PREX2: variants seen among roughly 807,000 people sequenced by gnomAD.
PREX2 encodes the protein phosphatidylinositol-3,4,5-trisphosphate dependent Rac exchange factor 2.
PREX2 carries 107 observed loss-of-function variants against 203.2 expected under a neutral mutation model. The observed-to-expected ratio is 0.53, with a 90% CI of 0.45 to 0.62. The LOEUF (loss-of-function observed/expected upper bound fraction) is 0.62. Among genes scored for constraint, PREX2 ranks in the 20% least tolerant of loss-of-function variants. PREX2 has a pLI of 0.00. For missense variants in PREX2, 1,777 were observed against 1,955.9 expected (o/e 0.91, Z 1.72); for synonymous variants, 672 against 663.6 (o/e 1.01, Z -0.19).
In PREX2 at chr8:68,030,487, G is replaced by A. The variant is rs1378655551; in HGVS notation, c.544-10G>A. The A allele has an allele frequency of 1.2e-6, 2 of 1,611,190 alleles. No homozygotes were observed. Among genetic ancestry groups the A allele is most frequent in the Admixed American group, 1.7e-5 (1 of 59,710 alleles). On this transcript the variant is annotated splice_polypyrimidine_tract_variant and intron_variant, in intron 5 of 39. Transcript: ENST00000288368. ...ATCAAAGGGCGATTTGTTTTTTTGT[G>A]TATAAACAGGAGTTGCTGAAGCGGA...
intron 34 of PREX2, among the ~76,000 whole-genome samples, chr8:68,151,138 G>A (rs1811425406): frequency 6.6e-6 from 1 of 152,090 alleles, no homozygotes. Flanking sequence ...AATAAGGTCA[G>A]GGCTGAATGT....
At chr8:68,051,065 T>C (rs1808514697) in intron 8 of PREX2, among the ~76,000 whole-genome samples, 1 of 151,950 alleles carries the variant, frequency 6.6e-6, no homozygotes, top group African/African-American at 2.4e-5. Flanking sequence ...AAGTGGCCTG[T>C]TTGAGGGAGG....
intron 19 of PREX2, among the ~76,000 whole-genome samples, chr8:68,088,656 A>G (rs1461925532): frequency 6.8e-5 from 8 of 117,844 alleles, no homozygotes; most frequent in Admixed American, 9.3e-5. Flanking sequence ...TGATAAAAAC[A>G]TCTGATTTCA....
At chr8:68,230,573 A>G (rs1317376008) in intron 39 of PREX2, among the ~76,000 whole-genome samples, 1 of 152,170 alleles carries the variant, frequency 6.6e-6, no homozygotes, top group African/African-American at 2.4e-5. Context: ...TGCTGTTATC[A>G]TTTAACCACT....
intron 1 of PREX2, among the ~76,000 whole-genome samples, chr8:67,982,987 AT>A (rs1806314280): frequency 6.6e-6 from 1 of 152,162 alleles, no homozygotes; most frequent in Non-Finnish European, 1.5e-5. Context: ...AGGTCCTCAA[AT>A]CTTTATTTGA....
At position 68,146,201 on chromosome 8, in the gene PREX2, C is replaced by T. The variant is rs770422007; in HGVS notation, c.4088-8C>T. ...TAGGAAGTAATATACTATTAAATAT[C>T]ATTTTAGATGTTCCTCTTACATATC... On this transcript the variant is annotated splice_polypyrimidine_tract_variant and splice_region_variant and intron_variant, in intron 33 of 39. Coordinates refer to ENST00000288368, the MANE Select transcript of PREX2 (RefSeq NM_024870.4). 3.8e-6 allele frequency: 6 copies of T among 1,593,226 alleles called. No homozygotes were observed. In the South Asian group the frequency reaches 5.6e-5, roughly 15 times the overall value.
intron 9 of PREX2, among the ~76,000 whole-genome samples, chr8:68,054,105 T>A (rs1386595367): frequency 6.6e-6 from 1 of 152,216 alleles, no homozygotes; most frequent in Non-Finnish European, 1.5e-5. Flanking sequence ...TCAGATGTTT[T>A]CCCCTGAAGA....
chr8:68,203,798 G>A (rs750691424), intron 37 of PREX2, among the ~76,000 whole-genome samples: 1 of 152,160 alleles, frequency 6.6e-6, no homozygotes, highest in Non-Finnish European at 1.5e-5. Context: ...AATGCACAAA[G>A]TTCTGTTCAG....
chr8:68,101,138 A>C (rs1464884320), intron 23 of PREX2, among the ~76,000 whole-genome samples: 1 of 152,172 alleles, frequency 6.6e-6, no homozygotes, highest in Non-Finnish European at 1.5e-5. Context: ...AATATTCTTT[A>C]TCTCAATATA....
chr8:68,233,257 A>G lies in PREX2; in HGVS notation c.*1879A>G, dbSNP rs1422966519. ...AAAGGAACACAGCTGATTAGCTAGC[A>G]AGTCCTTTCATATTGTCATGACTGT... On this transcript the variant is annotated 3_prime_UTR_variant, in exon 40 of 40. Transcript: ENST00000288368. The G allele has an allele frequency of 1.3e-5, 2 of 152,194 alleles. No individual in the cohort carries two copies. The highest frequency in any genetic ancestry group is 2.9e-5 in the Non-Finnish European group (2 of 68,026). The allele number at this position is 152,194 out of a possible 1,614,324, so 9.4% of individuals were successfully genotyped here. A position where few individuals can be genotyped will look rare whatever the true frequency, so the allele number is the denominator to read the frequency against.
Position 68,115,231 on chromosome 8 carries a change from T to C in PREX2, c.3147-522T>C, listed in dbSNP as rs1455513601. The stretch of plus-strand genomic sequence containing the variant: ...TTAGTAGAGACGGGGTTTCTCCAAG[T>C]TGGTCAGGCTGGTCTCGAACTTCCG... On this transcript the variant is annotated intron_variant, in intron 25 of 39. Transcript: ENST00000288368. Among the ~76,000 whole-genome samples, 3 of 152,062 alleles carry C rather than the reference T, an allele frequency of 2.0e-5. No individual in the cohort carries two copies. The East Asian group carries it at 5.8e-4, about 29-fold the overall frequency.
At chr8:68,177,597 C>A (rs992627883) in intron 35 of PREX2, among the ~76,000 whole-genome samples, 10 of 152,172 alleles carry the variant, frequency 6.6e-5, no homozygotes, top group African/African-American at 2.2e-4. Flanking sequence ...AGTAATTCCC[C>A]AAACTCAACA....
At chr8:68,079,756 A>T (rs1045185978) in intron 15 of PREX2, among the ~76,000 whole-genome samples, 1 of 152,206 alleles carries the variant, frequency 6.6e-6, no homozygotes, top group African/African-American at 2.4e-5. Context: ...CAAAACATAA[A>T]CTTTATTTCA....
intron 2 of PREX2, 146 bp from the exon 3 acceptor site, chr8:68,019,403 G>T: frequency 1.7e-6 from 1 of 595,038 alleles, no homozygotes; most frequent in Non-Finnish European, 2.7e-6. Context: ...TGAAGGGGAA[G>T]TCCAGACAAA....
chr8:68,027,175 C>T (rs377277926), intron 4 of PREX2, 47 bp from the exon 5 acceptor site: 213 of 1,363,684 alleles, frequency 1.6e-4, no homozygotes, highest in Non-Finnish European at 2.0e-4. Context: ...AGTTTCACAG[C>T]GTGAGATTAT....
At chr8:68,073,710 T>G (rs886129475) in intron 14 of PREX2, among the ~76,000 whole-genome samples, 1 of 152,184 alleles carries the variant, frequency 6.6e-6, no homozygotes, top group African/African-American at 2.4e-5. Flanking sequence ...GCAATGTGTG[T>G]CATTCGAGCT....
intron 1 of PREX2, among the ~76,000 whole-genome samples, chr8:67,985,826 C>T (rs565892010): frequency 6.6e-6 from 1 of 152,296 alleles, no homozygotes; most frequent in South Asian, 2.1e-4. Context: ...TCCCTGTGGG[C>T]GATGGGGCTG....
chr8:68,060,295 A>G (rs866123018), intron 10 of PREX2, among the ~76,000 whole-genome samples: 3 of 152,280 alleles, frequency 2.0e-5, no homozygotes, highest in African/African-American at 7.2e-5. Context: ...TTACTACTCT[A>G]TTCAGTTCTG....
At chr8:68,175,895 T>C (rs1322545229) in intron 35 of PREX2, among the ~76,000 whole-genome samples, 1 of 152,022 alleles carries the variant, frequency 6.6e-6, no homozygotes, top group Non-Finnish European at 1.5e-5. Flanking sequence ...TTTAATAGAA[T>C]AAAGCAGAGC....
Sources: gnomAD v4.1 joint callset for allele counts (sites outside exome capture counted in the v4.1 genomes callset) on GRCh38, gnomAD v4.1.1 for gene constraint, MANE v1.5 for transcripts, NCBI Gene and HGNC (gene_info 2026-07-23, HGNC 2026-07-21) for gene names.